PRKD1: variants seen among roughly 807,000 people sequenced by gnomAD.
PRKD1 encodes serine/threonine-protein kinase D1.
PRKD1 carries 63 observed loss-of-function variants against 95.9 expected under a neutral mutation model. That is an observed-to-expected ratio of 0.66 (90% CI 0.54 to 0.81). The LOEUF is 0.81. Ranked by LOEUF, PRKD1 falls within the 30% of genes least tolerant of loss-of-function variation. The pLI is 0.00. For synonymous variants in PRKD1, 425 were observed against 423.1 expected (o/e 1.00, Z -0.05); for missense variants, 1,048 against 1,165.3 (o/e 0.90, Z 1.47).
At chr14:29,734,354 A>T (rs1013619902) in intron 1 of PRKD1, among the ~76,000 whole-genome samples, 1 of 151,706 alleles carries the variant, frequency 6.6e-6, no homozygotes, top group Non-Finnish European at 1.5e-5. Context: ...GCTTTTTTAT[A>T]TGTGTAAATT....
chr14:29,841,064 G>A (rs1373706434), intron 1 of PRKD1, among the ~76,000 whole-genome samples: 1 of 152,222 alleles, frequency 6.6e-6, no homozygotes, highest in African/African-American at 2.4e-5. Flanking sequence ...CTTGCATGGG[G>A]CCTGTGGCCC....
At chr14:29,644,442 C>T (rs1880995493) in intron 4 of PRKD1, among the ~76,000 whole-genome samples, 1 of 152,190 alleles carries the variant, frequency 6.6e-6, no homozygotes, top group Admixed American at 6.5e-5. Context: ...GACAGCGTCA[C>T]TGTAAAACAG....
intron 1 of PRKD1, among the ~76,000 whole-genome samples, chr14:29,895,895 TTCC>T (rs1894107387): frequency 6.6e-6 from 1 of 152,200 alleles, no homozygotes; most frequent in South Asian, 2.1e-4. Flanking sequence ...AGTACCAGTT[TTCC>T]TTAACCATAC....
At chr14:29,607,919 A>G (rs1878132307) in intron 13 of PRKD1, among the ~76,000 whole-genome samples, 1 of 152,176 alleles carries the variant, frequency 6.6e-6, no homozygotes, top group African/African-American at 2.4e-5. Flanking sequence ...CAAAGACTCC[A>G]CTATTTGGTC....
At chr14:29,816,849 A>C (rs1305921237) in intron 1 of PRKD1, among the ~76,000 whole-genome samples, 1 of 152,176 alleles carries the variant, frequency 6.6e-6, no homozygotes, top group Non-Finnish European at 1.5e-5. Context: ...AAATGTCCTC[A>C]AATTCCTGGA....
intron 16 of PRKD1, among the ~76,000 whole-genome samples, 183 bp from the exon 17 acceptor site, chr14:29,578,543 TAAAAAAAAAAAAAAAAA>T (rs992449669): frequency 1.6e-4 from 7 of 42,684 alleles, no homozygotes; most frequent in East Asian, 8.2e-4. Context: ...TTTTGGATAC[TAAAAAAAAAAAAAAAAA>T]AAAAAAAAAA....
chr14:29,753,740 G>A (rs2139466916), intron 1 of PRKD1, among the ~76,000 whole-genome samples: 1 of 152,030 alleles, frequency 6.6e-6, no homozygotes, highest in African/African-American at 2.4e-5. Flanking sequence ...TTTAGCTTTT[G>A]GAATGTATCC....
At chr14:29,764,110 A>G (rs1361575430) in intron 1 of PRKD1, among the ~76,000 whole-genome samples, 1 of 152,082 alleles carries the variant, frequency 6.6e-6, no homozygotes, top group African/African-American at 2.4e-5. Flanking sequence ...TTAAAAGCAT[A>G]CGGGTCTTAT....
At chr14:29,683,736 G>A (rs978677788) in intron 2 of PRKD1, among the ~76,000 whole-genome samples, 1 of 152,112 alleles carries the variant, frequency 6.6e-6, no homozygotes, top group African/African-American at 2.4e-5. Flanking sequence ...TATGCATATC[G>A]CATGGCATGG....
intron 11 of PRKD1, among the ~76,000 whole-genome samples, chr14:29,628,277 A>G (rs1440637207): frequency 6.6e-6 from 1 of 152,230 alleles, no homozygotes; most frequent in Non-Finnish European, 1.5e-5. Flanking sequence ...TTTCTTAAAC[A>G]AATTTTTAGA....
chr14:29,900,556 A>G (rs1894286223), intron 1 of PRKD1, among the ~76,000 whole-genome samples: 1 of 152,220 alleles, frequency 6.6e-6, no homozygotes, highest in South Asian at 2.1e-4. Flanking sequence ...GACAGCCTAC[A>G]GAATGGGAGA....
At chr14:29,751,330 G>A (rs1283906244) in intron 1 of PRKD1, among the ~76,000 whole-genome samples, 1 of 152,204 alleles carries the variant, frequency 6.6e-6, no homozygotes, top group South Asian at 2.1e-4. Context: ...TCTGGCTGAT[G>A]AGACATAAGG....
chr14:29,902,483 T>G (rs1328387879), intron 1 of PRKD1, among the ~76,000 whole-genome samples: 1 of 152,162 alleles, frequency 6.6e-6, no homozygotes, highest in Non-Finnish European at 1.5e-5. Context: ...TATAATTTCC[T>G]TTAGAAGGTA....
At chr14:29,585,467 G>A (rs942059533) in intron 16 of PRKD1, among the ~76,000 whole-genome samples, 4 of 152,240 alleles carry the variant, frequency 2.6e-5, no homozygotes, top group African/African-American at 9.6e-5. Flanking sequence ...CTGAAAACTG[G>A]GGATATGATC....
intron 2 of PRKD1, among the ~76,000 whole-genome samples, chr14:29,680,944 A>G (rs2139266881): frequency 6.6e-6 from 1 of 152,310 alleles, no homozygotes; most frequent in African/African-American, 2.4e-5. Flanking sequence ...GAAAGAGGAA[A>G]GCCTTTGGAA....
At chr14:29,709,254 T>C (rs1333709224) in intron 2 of PRKD1, among the ~76,000 whole-genome samples, 4 of 152,124 alleles carry the variant, frequency 2.6e-5, no homozygotes, top group Admixed American at 6.5e-5. Flanking sequence ...AAGGGAAAAA[T>C]AGAAAAATAT....
intron 13 of PRKD1, among the ~76,000 whole-genome samples, chr14:29,617,724 T>G (rs1261809126): frequency 2.0e-5 from 3 of 152,186 alleles, no homozygotes; most frequent in African/African-American, 7.2e-5. Context: ...TGATTTAAAT[T>G]ATAAAATACA....
At chr14:29,672,121 T>C (rs939594756) in intron 2 of PRKD1, among the ~76,000 whole-genome samples, 3 of 152,062 alleles carry the variant, frequency 2.0e-5, no homozygotes, top group Non-Finnish European at 2.9e-5. Flanking sequence ...GGCAGGCAGA[T>C]CACGAGGTCA....
chr14:29,634,333 A>G (rs1880221338), intron 8 of PRKD1, 85 bp downstream of exon 8: 1 of 1,597,256 alleles, frequency 6.3e-7, no homozygotes, highest in Non-Finnish European at 8.6e-7. Flanking sequence ...AGTAATGCAG[A>G]AATCTCACAG....
Sources: gnomAD v4.1 joint callset for allele counts (sites outside exome capture counted in the v4.1 genomes callset) on GRCh38, gnomAD v4.1.1 for gene constraint, MANE v1.5 for transcripts, NCBI Gene and HGNC (gene_info 2026-07-23, HGNC 2026-07-21) for gene names.